Variants in NBAS observed in about 807,000 individuals in gnomAD.
NBAS encodes the protein NBAS subunit of NRZ tethering complex, also known as NAG/BC035112 fusion.
Under a neutral mutation model 302.5 loss-of-function variants are expected in NBAS, and 219 were observed. That is an observed-to-expected ratio of 0.72 (90% CI 0.65 to 0.81). NBAS has a LOEUF of 0.81. Ranked by LOEUF, NBAS falls within the 30% of genes least tolerant of loss-of-function variation. The pLI, the probability that NBAS is intolerant of heterozygous loss-of-function variation, is 0.00. For synonymous variants in NBAS, 1,118 were observed against 1,021.6 expected (o/e 1.09, Z -1.80); for missense variants, 2,932 against 2,841.6 (o/e 1.03, Z -0.72).
chr2:15,461,392 G>T, intron 20 of NBAS, 55 bp from the exon 21 acceptor site: 1 of 1,569,164 alleles, frequency 6.4e-7, no homozygotes, highest in South Asian at 1.1e-5. Context: ...ATAAAGGAGT[G>T]ATTTTATATG....
intron 11 of NBAS, among the ~76,000 whole-genome samples, chr2:15,495,458 T>A (rs1156704014): frequency 6.6e-6 from 1 of 151,684 alleles, no homozygotes; most frequent in Non-Finnish European, 1.5e-5. Context: ...CTTCAACAAA[T>A]AATTTTTAAG....
chr2:15,236,451 A>G (rs1667596187), intron 45 of NBAS, among the ~76,000 whole-genome samples: 1 of 127,622 alleles, frequency 7.8e-6, no homozygotes, highest in Admixed American at 1.0e-4. Context: ...CAAGAGGCTG[A>G]GGTGGGAGGA....
intron 44 of NBAS, among the ~76,000 whole-genome samples, chr2:15,257,483 C>G (rs1226811608): frequency 2.6e-5 from 4 of 151,246 alleles, no homozygotes; most frequent in African/African-American, 9.7e-5. Flanking sequence ...ACCTCTGCCT[C>G]CCGCATTCGA....
chr2:14,925,603 C>T, the NBAS span, among the ~76,000 whole-genome samples: 1 of 152,274 alleles, frequency 6.6e-6, no homozygotes, highest in South Asian at 2.1e-4. Context: ...TACAGAATGG[C>T]ATTTTTCCCT....
At chr2:14,835,521 C>T in the NBAS span, among the ~76,000 whole-genome samples, 1 of 151,708 alleles carries the variant, frequency 6.6e-6, no homozygotes, top group Non-Finnish European at 1.5e-5. Context: ...CCTTGTTTTC[C>T]TATCTATTTT....
the NBAS span, among the ~76,000 whole-genome samples, chr2:15,000,484 T>C: frequency 2.0e-5 from 3 of 152,164 alleles, no homozygotes; most frequent in Non-Finnish European, 4.4e-5. Flanking sequence ...AAAATATACA[T>C]GAAAGCCCCA....
intron 38 of NBAS, among the ~76,000 whole-genome samples, chr2:15,312,133 T>C (rs563848120): frequency 6.6e-5 from 10 of 152,364 alleles, no homozygotes; most frequent in African/African-American, 2.4e-4. Context: ...CCTGCATCTG[T>C]TCCTCAGATG....
the NBAS span, among the ~76,000 whole-genome samples, chr2:14,855,515 C>T: frequency 1.3e-5 from 2 of 152,092 alleles, no homozygotes; most frequent in African/African-American, 4.8e-5. Flanking sequence ...TCTAGACCTG[C>T]CCTGGGCCAG....
rs1434332865 is a variant in NBAS, at chr2:15,186,788, T to C, written c.6665A>G (p.Lys2222Arg). 6.2e-7 allele frequency: 1 copy of C among 1,613,886 alleles called. No individual in the cohort carries two copies. The highest frequency in any genetic ancestry group is 1.1e-5 in the South Asian group (1 of 91,078). ...GGTGTTATACAAAGAGCGACACATT[T>C]TCAAAACTTCATTCCCCAATCCTTC... The part of the protein sequence containing the change: ...NKEGLGNEVL[K>R]MCRSLYNTKQ... Residue 2222 changes from lysine to arginine, a missense_variant, in exon 50 of 52, where the codon AAA becomes AGA. Lys to Arg is a conservative substitution (Grantham distance 26). Transcript: ENST00000281513.
the NBAS span, among the ~76,000 whole-genome samples, chr2:14,972,992 C>G: frequency 1.3e-5 from 2 of 152,316 alleles, no homozygotes; most frequent in South Asian, 4.2e-4. Flanking sequence ...GTCCTTGGAG[C>G]CCCTTCCCTG....
At chr2:15,556,428 G>A (rs2148716881) in intron 3 of NBAS, among the ~76,000 whole-genome samples, 1 of 152,260 alleles carries the variant, frequency 6.6e-6, no homozygotes, top group East Asian at 1.9e-4. Flanking sequence ...TACAGCAGTT[G>A]AATATTAACC....
chr2:15,018,016 G>A, the NBAS span, among the ~76,000 whole-genome samples: 36 of 152,008 alleles, frequency 2.4e-4, no homozygotes, highest in African/African-American at 8.2e-4. Flanking sequence ...AGGACATTAT[G>A]TTAAGCAAAA....
chr2:15,330,454 T>A (rs1672274779), intron 36 of NBAS, 144 bp downstream of exon 36: 2 of 1,024,686 alleles, frequency 2.0e-6, no homozygotes. Flanking sequence ...TTACTCCCTA[T>A]CTGATGAGAG....
the NBAS span, among the ~76,000 whole-genome samples, chr2:15,154,852 G>A: frequency 6.6e-6 from 1 of 151,622 alleles, no homozygotes. Context: ...CCCCAGCCAT[G>A]GAGCAGCAGC....
At chr2:15,424,809 G>A (rs1224536204) in intron 22 of NBAS, among the ~76,000 whole-genome samples, 1 of 152,144 alleles carries the variant, frequency 6.6e-6, no homozygotes, top group East Asian at 1.9e-4. Context: ...GCTTACCGCA[G>A]GCCCACTCAA....
intron 51 of NBAS, among the ~76,000 whole-genome samples, chr2:15,169,219 C>T (rs78313867): frequency 0.012 from 1,891 of 152,246 alleles, 44 homozygotes; most frequent in Admixed American, 0.06. Context: ...CTTGTACAGC[C>T]CACCTTTGAC....
chr2:15,316,330 A>G (rs1572642805), intron 38 of NBAS, among the ~76,000 whole-genome samples: 1 of 152,174 alleles, frequency 6.6e-6, no homozygotes, highest in Non-Finnish European at 1.5e-5. Context: ...TGATTTCTGC[A>G]TTTCCAACTG....
chr2:14,855,714 A>G, the NBAS span, among the ~76,000 whole-genome samples: 1 of 152,118 alleles, frequency 6.6e-6, no homozygotes, highest in East Asian at 1.9e-4. Context: ...AGTGGGAAGG[A>G]CAGCCTTGTG....
the NBAS span, among the ~76,000 whole-genome samples, chr2:14,837,817 C>T: frequency 5.9e-5 from 9 of 151,688 alleles, no homozygotes; most frequent in Non-Finnish European, 1.3e-4. Flanking sequence ...TAATTTCTTT[C>T]CACATTGAAA....
Sources: allele counts gnomAD v4.1 joint callset (sites outside exome capture counted in the v4.1 genomes callset), GRCh38; gene constraint gnomAD v4.1.1; transcripts MANE v1.5; gene names NCBI Gene and HGNC (gene_info 2026-07-23, HGNC 2026-07-21).